Variants in AKAP19 observed in about 807,000 individuals in gnomAD.
AKAP19 encodes the protein A-kinase anchoring protein 19.
the AKAP19 span, among the ~76,000 whole-genome samples, chr2:189,958,287 C>G: frequency 6.6e-6 from 1 of 151,974 alleles, no homozygotes; most frequent in African/African-American, 2.4e-5. Context: ...AAAAAATACT[C>G]AACCTCACTG....
the AKAP19 span, among the ~76,000 whole-genome samples, chr2:189,968,831 CA>C: frequency 1.3e-4 from 20 of 151,810 alleles, no homozygotes; most frequent in African/African-American, 4.8e-4. Flanking sequence ...ATACTCTAAT[CA>C]AGAAAGTTTT....
At chr2:189,958,000 G>T in the AKAP19 span, among the ~76,000 whole-genome samples, 2 of 152,016 alleles carry the variant, frequency 1.3e-5, no homozygotes, top group South Asian at 4.1e-4. Context: ...CACCATGTTG[G>T]CCAGGCTGGT....
chr2:190,020,978 G>C, the AKAP19 span, among the ~76,000 whole-genome samples: 2 of 152,122 alleles, frequency 1.3e-5, no homozygotes, highest in East Asian at 3.9e-4. Context: ...GCATATATCA[G>C]AATTTCCTTC....
the AKAP19 span, chr2:190,181,242 C>T: frequency 2.7e-6 from 2 of 750,708 alleles, no homozygotes; most frequent in Non-Finnish European, 3.3e-6. Context: ...TAAACGAGAC[C>T]GTTCTCAGCC....
chr2:190,044,716 T>G, the AKAP19 span, among the ~76,000 whole-genome samples: 6 of 152,196 alleles, frequency 3.9e-5, no homozygotes, highest in African/African-American at 1.4e-4. Flanking sequence ...GCAGTATGCT[T>G]GGGGCCTAGT....
At chr2:190,184,721 G>C in the AKAP19 span, among the ~76,000 whole-genome samples, 71 of 152,266 alleles carry the variant, frequency 4.7e-4, no homozygotes, top group African/African-American at 1.6e-3. Flanking sequence ...AGGGTGCTGG[G>C]TGGAGATAAA....
chr2:190,135,379 A>G, the AKAP19 span, among the ~76,000 whole-genome samples: 2 of 152,170 alleles, frequency 1.3e-5, no homozygotes, highest in African/African-American at 4.8e-5. Flanking sequence ...TACCTATTCA[A>G]TAAGAATCTG....
the AKAP19 span, among the ~76,000 whole-genome samples, chr2:190,169,228 G>T: frequency 1 from 152,218 of 152,290 alleles, 76,073 homozygotes; most frequent in Non-Finnish European, 1. Context: ...ACTTATTCAC[G>T]GTCAGGAGAA....
At chr2:190,115,611 G>A in the AKAP19 span, among the ~76,000 whole-genome samples, 12 of 151,844 alleles carry the variant, frequency 7.9e-5, no homozygotes, top group East Asian at 7.8e-4. Context: ...GAGCCACCGC[G>A]CCCGGCCAAG....
At chr2:190,073,544 TA>T in the AKAP19 span, among the ~76,000 whole-genome samples, 1,355 of 152,006 alleles carry the variant, frequency 8.9e-3, 18 homozygotes, top group African/African-American at 0.031. Context: ...CTTCTAGAAT[TA>T]AAATAATTAA....
At chr2:190,180,922 G>A in the AKAP19 span, 1 of 985,350 alleles carries the variant, frequency 1.0e-6, no homozygotes, top group Non-Finnish European at 1.2e-6. This position sits in a 1 kb window ranked among gnomAD's most constrained non-coding sequence, Gnocchi z 6.8. Flanking sequence ...TGCCCTGGCA[G>A]CTGGACTGCA....
chr2:189,995,196 G>T, the AKAP19 span, among the ~76,000 whole-genome samples: 15 of 152,274 alleles, frequency 9.9e-5, no homozygotes, highest in East Asian at 2.5e-3. Context: ...CTGTCTTGAT[G>T]ACCTGTCTAG....
chr2:189,901,224 A>G, the AKAP19 span, among the ~76,000 whole-genome samples: 8 of 152,126 alleles, frequency 5.3e-5, 1 homozygote, highest in South Asian at 1.7e-3. Context: ...TTTTTGTGTC[A>G]TCAAATATAT....
the AKAP19 span, among the ~76,000 whole-genome samples, chr2:190,157,656 A>C: frequency 1.3e-5 from 2 of 152,136 alleles, no homozygotes; most frequent in Non-Finnish European, 2.9e-5. Context: ...CAGATAATTG[A>C]GGGAAGGGGA....
the AKAP19 span, among the ~76,000 whole-genome samples, chr2:189,898,907 GTATGA>G: frequency 6.6e-6 from 1 of 152,106 alleles, no homozygotes; most frequent in East Asian, 1.9e-4. Context: ...AACCTTCTTA[GTATGA>G]TATATCAAGC....
chr2:189,952,686 T>G, the AKAP19 span, among the ~76,000 whole-genome samples: 1 of 152,236 alleles, frequency 6.6e-6, no homozygotes, highest in Non-Finnish European at 1.5e-5. Flanking sequence ...AACAGGATAC[T>G]TCTACTGCAC....
chr2:190,029,242 G>C, the AKAP19 span, among the ~76,000 whole-genome samples: 1 of 151,942 alleles, frequency 6.6e-6, no homozygotes, highest in African/African-American at 2.4e-5. Context: ...AGTAGAGATG[G>C]GGTTTCACCA....
chr2:189,990,128 T>C, the AKAP19 span, among the ~76,000 whole-genome samples: 18 of 152,212 alleles, frequency 1.2e-4, no homozygotes, highest in Admixed American at 1.2e-3. Flanking sequence ...AACATCTTTG[T>C]TGCTTGTTGC....
chr2:190,151,932 G>A, the AKAP19 span, among the ~76,000 whole-genome samples: 3 of 152,170 alleles, frequency 2.0e-5, no homozygotes, highest in Admixed American at 6.5e-5. Flanking sequence ...TAATCTGGGA[G>A]GCGGAGGTTG....
Sources: allele counts gnomAD v4.1 joint callset (sites outside exome capture counted in the v4.1 genomes callset), GRCh38; gene constraint gnomAD v4.1.1; non-coding constraint Gnocchi (gnomAD v3.1); transcripts MANE v1.5; gene names NCBI Gene and HGNC (gene_info 2026-07-23, HGNC 2026-07-21).